MOXD1: variants seen among roughly 807,000 people sequenced by gnomAD.
The protein encoded by MOXD1 is DBH-like monooxygenase protein 1.
In MOXD1, 62 loss-of-function variants were observed where a neutral mutation model predicts 66.6. That is an observed-to-expected ratio of 0.93 (90% confidence interval 0.76 to 1.15). The LOEUF is 1.15. MOXD1 is among the 50% of genes most tolerant of loss of function. The probability of loss-of-function intolerance (pLI) is 0.00; values close to 1 mark genes in which losing one functional copy is unlikely to be tolerated. For synonymous variants in MOXD1, 303 were observed against 281.9 expected (o/e 1.07, Z -0.75); for missense variants, 847 against 754.6 (o/e 1.12, Z -1.44).
intron 1 of MOXD1, among the ~76,000 whole-genome samples, chr6:132,399,478 C>T (rs571927785): frequency 4.7e-4 from 71 of 152,282 alleles, no homozygotes; most frequent in Middle Eastern, 3.4e-3. Flanking sequence ...AAGTCCTATG[C>T]AATCTCTATG....
intron 1 of MOXD1, among the ~76,000 whole-genome samples, chr6:132,387,342 T>C (rs1024830682): frequency 1.3e-5 from 2 of 151,406 alleles, no homozygotes; most frequent in Admixed American, 6.6e-5. Flanking sequence ...TTTAACAGAG[T>C]TGTTGAACTT....
chr6:132,363,906 GTTAA>G (rs60016374), intron 4 of MOXD1, among the ~76,000 whole-genome samples: 29,474 of 151,894 alleles, frequency 0.19, 2,923 homozygotes, highest in South Asian at 0.28. Context: ...ATAAAGTGCT[GTTAA>G]TTAAATTATT....
intron 4 of MOXD1, among the ~76,000 whole-genome samples, chr6:132,344,416 A>T (rs1343360675): frequency 1.3e-5 from 2 of 152,156 alleles, no homozygotes; most frequent in South Asian, 2.1e-4. Flanking sequence ...GGGGGAAAAA[A>T]ATCAATCTTG....
At chr6:132,365,707 C>T (rs1334791333) in intron 4 of MOXD1, among the ~76,000 whole-genome samples, 2 of 152,284 alleles carry the variant, frequency 1.3e-5, no homozygotes, top group Middle Eastern at 3.4e-3. Context: ...TGTAGCTAGA[C>T]GATCTCCAGT....
chr6:132,392,716 G>A (rs907867162), intron 1 of MOXD1, among the ~76,000 whole-genome samples: 1 of 152,228 alleles, frequency 6.6e-6, no homozygotes, highest in African/African-American at 2.4e-5. Flanking sequence ...GTTTCCACAA[G>A]CATGAGCTGC....
At chr6:132,368,567 C>A (rs1776194460) in intron 4 of MOXD1, among the ~76,000 whole-genome samples, 2 of 151,954 alleles carry the variant, frequency 1.3e-5, no homozygotes, top group Non-Finnish European at 2.9e-5. Flanking sequence ...ATAATCCTAT[C>A]TTTTCTAGAG....
chr6:132,311,352 T>C (rs963629699), intron 10 of MOXD1, among the ~76,000 whole-genome samples: 4 of 152,052 alleles, frequency 2.6e-5, no homozygotes, highest in African/African-American at 9.7e-5. Context: ...TCATGTTAAA[T>C]ATTCTGGGAA....
chr6:132,306,735 A>G (rs1774700670), intron 10 of MOXD1, among the ~76,000 whole-genome samples: 1 of 152,242 alleles, frequency 6.6e-6, no homozygotes. Flanking sequence ...AGAATTTTCA[A>G]CCCAGAATTT....
intron 4 of MOXD1, among the ~76,000 whole-genome samples, chr6:132,370,257 C>G (rs1320419601): frequency 6.6e-6 from 1 of 151,990 alleles, no homozygotes. Flanking sequence ...GAAATCCTCT[C>G]TACTAGAAAA....
chr6:132,326,050 C>A (rs956230205), intron 6 of MOXD1, among the ~76,000 whole-genome samples: 1 of 151,944 alleles, frequency 6.6e-6, no homozygotes, highest in Non-Finnish European at 1.5e-5. Flanking sequence ...ATAAGTTTGA[C>A]AGGGAAAAAA....
At chr6:132,330,600 GC>G (rs1235939717) in intron 4 of MOXD1, among the ~76,000 whole-genome samples, 1 of 152,152 alleles carries the variant, frequency 6.6e-6, no homozygotes, top group Non-Finnish European at 1.5e-5. Flanking sequence ...TGATAAAGTA[GC>G]CCTGGCGTGT....
rs993354000 is a variant in MOXD1, at chr6:132,347,888, C to CT, written c.664-19295dup. On this transcript the variant is annotated intron_variant, in intron 4 of 11. Coordinates refer to ENST00000367963, the MANE Select transcript of MOXD1 (RefSeq NM_015529.4). ...ACTTTTTTAGTTCTCACTCTTCTCT[C>CT]TTTTTTTTTTCTTATTCTCCATGTG... 1.9e-4 allele frequency among the ~76,000 whole-genome samples: 29 copies of CT among 149,620 alleles called. 1 individual carries two copies. The highest frequency in any genetic ancestry group is 3.7e-4 in the African/African-American group (15 of 40,796).
intron 10 of MOXD1, among the ~76,000 whole-genome samples, chr6:132,303,825 GTGTGTGTGTGTATATATATATATA>G (rs1774614886): frequency 4.1e-5 from 4 of 96,824 alleles, no homozygotes; most frequent in Admixed American, 1.2e-4. Context: ...GTGTGTGTGT[GTGTGTGTGTGTATATATATATATA>G]TATATATATA....
At chr6:132,322,460 A>G (rs1047703285) in intron 8 of MOXD1, among the ~76,000 whole-genome samples, 2 of 152,204 alleles carry the variant, frequency 1.3e-5, no homozygotes, top group African/African-American at 2.4e-5. Flanking sequence ...TCAGTCAACA[A>G]CTTGAATTGC....
chr6:132,325,446 G>A (rs1454699490), intron 6 of MOXD1, among the ~76,000 whole-genome samples: 1 of 152,210 alleles, frequency 6.6e-6, no homozygotes, highest in South Asian at 2.1e-4. Context: ...CTTGGCCCCT[G>A]TGAATCGATT....
At chr6:132,311,111 G>A (rs942284624) in intron 10 of MOXD1, among the ~76,000 whole-genome samples, 2 of 152,132 alleles carry the variant, frequency 1.3e-5, no homozygotes, top group African/African-American at 2.4e-5. Context: ...CGTCCAGAGA[G>A]ATCTCCCAAG....
At chr6:132,324,933 G>A (rs551908171) in intron 6 of MOXD1, 4 of 142,232 alleles carry the variant, frequency 2.8e-5, no homozygotes, top group African/African-American at 1.0e-4. Context: ...CTCATTGCAT[G>A]TTATATACCC....
intron 4 of MOXD1, among the ~76,000 whole-genome samples, chr6:132,351,756 GC>G (rs1310563582): frequency 2.0e-5 from 3 of 152,012 alleles, no homozygotes; most frequent in Non-Finnish European, 4.4e-5. Context: ...AATCCGTCTG[GC>G]CCCGGACTTT....
chr6:132,302,176 C>A (rs950169638), intron 10 of MOXD1, among the ~76,000 whole-genome samples: 1 of 152,098 alleles, frequency 6.6e-6, no homozygotes, highest in South Asian at 2.1e-4. Context: ...ATTCCCAGAG[C>A]CTGTATAGAG....
Sources: gnomAD v4.1 joint callset for allele counts (sites outside exome capture counted in the v4.1 genomes callset) on GRCh38, gnomAD v4.1.1 for gene constraint, MANE v1.5 for transcripts, NCBI Gene and HGNC (gene_info 2026-07-23, HGNC 2026-07-21) for gene names.